PLXNA1: variants seen among roughly 807,000 people sequenced by gnomAD.
The protein encoded by PLXNA1 is plexin-A1.
PLXNA1 carries 77 observed loss-of-function variants against 191.7 expected under a neutral mutation model. The ratio of observed to expected loss-of-function variants is 0.40; its 90% confidence interval spans 0.33 to 0.49. The LOEUF (loss-of-function observed/expected upper bound fraction) is 0.49. Ranked by LOEUF, PLXNA1 falls within the 20% of genes least tolerant of loss-of-function variation. The pLI is 0.63. For synonymous variants in PLXNA1, 1,137 were observed against 1,156.4 expected, an observed-to-expected ratio of 0.98 and a Z score of 0.34; for missense variants, 2,110 against 2,660.2, an observed-to-expected ratio of 0.79 and a Z score of 4.55.
Position 127,027,574 on chromosome 3 carries a change from TG to T in PLXNA1, c.4363-364del, listed in dbSNP as rs2079182327. ...GCTGGGGAGCAGGCCCCTGGGAGGC[TG>T]GAGCTAGGCGGGGATCCTGCTGAGA... is the stretch of plus-strand genomic sequence containing the variant. On this transcript the variant is annotated intron_variant, in intron 23 of 31. Coordinates refer to ENST00000393409, the MANE Select transcript of PLXNA1 (RefSeq NM_032242.4). 3.7e-5 allele frequency: 16 copies of T among 427,560 alleles called. 1 individual carries two copies. Among genetic ancestry groups the T allele is most frequent in the South Asian group, 2.9e-4 (16 of 55,848 alleles). The allele number at this position is 427,560 out of a possible 1,614,324, so 26.5% of individuals were successfully genotyped here.
chr3:127,017,528 G>A lies in PLXNA1; in HGVS notation c.3380G>A (p.Gly1127Asp), dbSNP rs2079130034. 1 of 1,613,662 alleles carries A rather than the reference G, an allele frequency of 6.2e-7. No homozygotes were observed. Among genetic ancestry groups the A allele is most frequent in the Non-Finnish European group, 8.5e-7 (1 of 1,180,006 alleles). ...CTGGGGGAGCGGCCGGATGAGCTGG[G>A]CTTCGTCATGGACAACGTGCGCTCC... Reference protein sequence around the residue: ...PELGERPDELGFVMDNVRSLL... With the variant: ...PELGERPDELDFVMDNVRSLL... Residue 1127 changes from glycine to aspartate, a missense_variant, in exon 18 of 32, where the codon GGC (glycine) becomes GAC (aspartate). This residue lies in a region of PLXNA1 where 644 missense variants were observed against 714.3 expected (regional missense o/e 0.90). Transcript: ENST00000393409.
chr3:127,003,266 G>T (rs57044608), intron 3 of PLXNA1, 64 bp from the exon 4 acceptor site: 4 of 1,486,056 alleles, frequency 2.7e-6, no homozygotes, highest in African/African-American at 1.4e-5. Flanking sequence ...GACCTTCTGT[G>T]GGGGGTGGGG....
chr3:126,995,924 A>G (rs1202391823), intron 3 of PLXNA1, among the ~76,000 whole-genome samples: 1 of 152,134 alleles, frequency 6.6e-6, no homozygotes, highest in Non-Finnish European at 1.5e-5. Context: ...CCATCACAGC[A>G]TCTCCCTGTG....
chr3:126,987,957 C>G (rs7649075), intron 1 of PLXNA1, among the ~76,000 whole-genome samples: 63,327 of 151,988 alleles, frequency 0.42, 14,953 homozygotes, highest in African/African-American at 0.65. Flanking sequence ...CGTGGTGCCT[C>G]TGCTGTGGGC....
rs977545378 is a variant in PLXNA1, at chr3:127,015,315, C to T, written c.3009C>T (p.Phe1003=). The T allele has an allele frequency of 1.2e-6, 2 of 1,603,608 alleles. No homozygotes were observed. The highest frequency in any genetic ancestry group is 1.7e-6 in the Non-Finnish European group (2 of 1,176,954). ...CGGTCGGTGGCCGGCCCTGCTCCTT[C>T]TCCTGGTACGGGGTGCAGGTGGGGG... ...AVSVGGRPCS[F]SWRNSREIRC... Residue 1003 remains phenylalanine (F), a synonymous_variant, in exon 15 of 32, where the codon TTC becomes TTT. Coordinates refer to ENST00000393409, the MANE Select transcript of PLXNA1 (RefSeq NM_032242.4).
chr3:127,029,333 C>T (rs1273682498), intron 26 of PLXNA1, 107 bp from the exon 27 acceptor site: 5 of 1,076,958 alleles, frequency 4.6e-6, no homozygotes, highest in South Asian at 2.6e-5. Context: ...GTGGCTGCCT[C>T]CAGGCACAGC....
chr3:127,008,725 G>T (rs2079080727), intron 9 of PLXNA1, among the ~76,000 whole-genome samples: 2 of 152,130 alleles, frequency 1.3e-5, no homozygotes, highest in South Asian at 4.1e-4. Flanking sequence ...CAGCTGGGCT[G>T]CACTTCCCTG....
chr3:127,028,722 C>T (rs2079189555), intron 25 of PLXNA1: 1 of 547,838 alleles, frequency 1.8e-6, no homozygotes, highest in Non-Finnish European at 3.2e-6. Flanking sequence ...CCCACAGAAG[C>T]CTCGGTGCCA....
chr3:127,029,751 A>G (rs2107638277), intron 27 of PLXNA1, 123 bp from the exon 28 acceptor site: 1 of 1,232,794 alleles, frequency 8.1e-7, no homozygotes, highest in African/African-American at 1.5e-5. Context: ...CTGTGGTGTC[A>G]TCGGCTGCCC....
chr3:127,022,076 C>T lies in PLXNA1; in HGVS notation c.4039-9C>T, dbSNP rs199997991. The T allele has an allele frequency of 3.3e-5, 53 of 1,608,514 alleles. No homozygotes were observed. In the South Asian group the frequency reaches 3.7e-4, roughly 11 times the overall value. On this transcript the variant is annotated splice_polypyrimidine_tract_variant and intron_variant, in intron 21 of 31. Transcript: ENST00000393409. ...TTCTCTGTGGTCTGAGCTCTGTGTG[C>T]TCCCTCAGGTGCAGGCCAATGTGGA...
At position 127,015,229 on chromosome 3, in the gene PLXNA1, G is replaced by A; in HGVS notation, c.2923G>A (p.Gly975Arg). 6.2e-7 allele frequency: 1 copy of A among 1,613,520 alleles called. No homozygotes were observed. The highest frequency in any genetic ancestry group is 8.5e-7 in the Non-Finnish European group (1 of 1,179,898). ...GAGCCCCTCCCGTGGGCCTCTGTCA[G>A]GGGGCACCTGGATTGGCATCGAGGG... ...RVSPSRGPLSGGTWIGIEGSH... is the reference protein window; with the variant it reads ...RVSPSRGPLSRGTWIGIEGSH... Residue 975 changes from glycine to arginine, a missense_variant, in exon 15 of 32, where the codon GGG (glycine) becomes AGG (arginine). Transcript: ENST00000393409.
intron 20 of PLXNA1, 67 bp from the exon 21 acceptor site, chr3:127,020,135 T>TGGGA: frequency 1.3e-6 from 2 of 1,575,120 alleles, no homozygotes; most frequent in Non-Finnish European, 1.7e-6. Context: ...GCCCCAAGAG[T>TGGGA]GGGAGGGTTG....
intron 22 of PLXNA1, 131 bp from the exon 23 acceptor site, chr3:127,022,621 C>A: frequency 1.1e-6 from 1 of 906,478 alleles, no homozygotes; most frequent in Non-Finnish European, 1.8e-6. Flanking sequence ...GGGTGCCTTT[C>A]GAGACCTGAC....
chr3:127,034,062 G>A lies in PLXNA1; in HGVS notation c.*45G>A. 6.6e-7 allele frequency: 1 copy of A among 1,520,574 alleles called. No individual in the cohort carries two copies. Among genetic ancestry groups the A allele is most frequent in the Non-Finnish European group, 8.9e-7 (1 of 1,118,974 alleles). 94.2% of individuals were successfully genotyped at this position (1,520,574 alleles called of 1,614,324 possible). A position where few individuals can be genotyped will look rare whatever the true frequency, so the allele number is the denominator to read the frequency against. The stretch of plus-strand genomic sequence containing the variant: ...AGCATGATGCAGCGTGAGGACAGCT[G>A]AGCAGGGACCGGGACAGCCCTCACC... On this transcript the variant is annotated 3_prime_UTR_variant, in exon 32 of 32. Transcript: ENST00000393409.
At chr3:127,027,737 TG>T (rs1483602496) in intron 23 of PLXNA1, 1 of 728,230 alleles carries the variant, frequency 1.4e-6, no homozygotes, top group Non-Finnish European at 2.4e-6. Context: ...ATTTGTGGGA[TG>T]GTGGGTATGT....
chr3:127,008,493 C>G (rs1235882846), intron 9 of PLXNA1, among the ~76,000 whole-genome samples: 1 of 152,200 alleles, frequency 6.6e-6, no homozygotes, highest in Non-Finnish European at 1.5e-5. Context: ...CCTTCTGGAA[C>G]ATGAGGCGCT....
intron 1 of PLXNA1, among the ~76,000 whole-genome samples, chr3:126,986,547 C>T (rs557283755): frequency 1.3e-5 from 2 of 152,162 alleles, no homozygotes; most frequent in African/African-American, 2.4e-5. Context: ...GCTGGCCCTC[C>T]GCATACCCTT....
chr3:127,031,627 T>A (rs2079211605), intron 29 of PLXNA1, among the ~76,000 whole-genome samples: 1 of 152,158 alleles, frequency 6.6e-6, no homozygotes, highest in Non-Finnish European at 1.5e-5. Context: ...TTCCCAAACC[T>A]GGGATGCAGC....
chr3:127,022,895 A>G (rs1349919965), intron 23 of PLXNA1, 77 bp downstream of exon 23: 1 of 1,274,270 alleles, frequency 7.8e-7, no homozygotes, highest in Non-Finnish European at 1.1e-6. Context: ...GGTGGGGATT[A>G]GTGGGAGGTG....
Sources: allele counts gnomAD v4.1 joint callset (sites outside exome capture counted in the v4.1 genomes callset), GRCh38; gene constraint gnomAD v4.1.1; regional missense constraint gnomAD v4.1.1; transcripts MANE v1.5; gene names NCBI Gene and HGNC (gene_info 2026-07-23, HGNC 2026-07-21).